The following SETD5 variants were observed in gnomAD, a reference collection of about 807,000 sequenced individuals.
SETD5 encodes SET domain containing 5.
SETD5 carries 44 observed loss-of-function variants against 153.3 expected under a neutral mutation model. The observed-to-expected ratio is 0.29, with a 90% CI of 0.23 to 0.37. The LOEUF (loss-of-function observed/expected upper bound fraction) is 0.37. SETD5 is among the 10% of genes least tolerant of loss of function. The probability of loss-of-function intolerance (pLI) is 1.00; values close to 1 mark genes in which losing one functional copy is unlikely to be tolerated. For synonymous variants in SETD5, 716 were observed against 645.2 expected (o/e 1.11, Z -1.66); for missense variants, 1,544 against 1,768.0 (o/e 0.87, Z 2.27).
intron 1 of SETD5, among the ~76,000 whole-genome samples, chr3:9,420,266 A>T (rs1359583519): frequency 1.3e-5 from 2 of 152,128 alleles, no homozygotes; most frequent in Non-Finnish European, 2.9e-5. Flanking sequence ...TCTGTTATTT[A>T]TGATATGTAG....
At chr3:9,418,276 T>C (rs1218946901) in intron 1 of SETD5, among the ~76,000 whole-genome samples, 1 of 152,206 alleles carries the variant, frequency 6.6e-6, no homozygotes, top group East Asian at 1.9e-4. Flanking sequence ...TTTATTTGCA[T>C]TTGCAGTCAG....
At chr3:9,439,853 T>G (rs1022660696) in intron 7 of SETD5, among the ~76,000 whole-genome samples, 2 of 152,246 alleles carry the variant, frequency 1.3e-5, no homozygotes, top group African/African-American at 2.4e-5. Context: ...GTTAGAAAGA[T>G]ATACTCAAAT....
intron 19 of SETD5, among the ~76,000 whole-genome samples, chr3:9,471,240 G>T (rs2045266061): frequency 6.6e-6 from 1 of 152,168 alleles, no homozygotes; most frequent in South Asian, 2.1e-4. Context: ...CTTTAAATGT[G>T]TTTTATCCTC....
Position 9,470,935 on chromosome 3 carries a change from T to C in SETD5, c.3195+6T>C, listed in dbSNP as rs775439215. On this transcript the variant is annotated splice_donor_region_variant and intron_variant, in intron 19 of 22. Transcript: ENST00000402198. ...ACCCACCACAGAGGAAAAAAGTAAG[T>C]GTTTCATGTTATATCGGCGAACTTT... 2 of 1,486,400 alleles carry C rather than the reference T, an allele frequency of 1.3e-6. No individual in the cohort carries two copies. The highest frequency in any genetic ancestry group is 9.2e-7 in the Non-Finnish European group (1 of 1,092,512). 92.1% of individuals were successfully genotyped at this position (1,486,400 alleles called of 1,614,324 possible).
At chr3:9,430,085 C>G (rs2039783778) in intron 3 of SETD5, 2 of 1,052,366 alleles carry the variant, frequency 1.9e-6, no homozygotes, top group African/African-American at 3.4e-5. Context: ...GTTTCTCTTG[C>G]CATTTTCACA....
chr3:9,472,794 C>T (rs2045455705), intron 19 of SETD5, among the ~76,000 whole-genome samples: 1 of 152,052 alleles, frequency 6.6e-6, no homozygotes, highest in Admixed American at 6.6e-5. Context: ...TCTAGGGGTT[C>T]CCAAGGAGTA....
chr3:9,452,850 A>G (rs554699867), intron 16 of SETD5, among the ~76,000 whole-genome samples: 1 of 152,128 alleles, frequency 6.6e-6, no homozygotes, highest in Admixed American at 6.5e-5. Context: ...CTTACTCAGA[A>G]ATTGATGTTT....
Position 9,470,862 on chromosome 3 carries a change from C to T in SETD5, c.3128C>T (p.Ser1043Leu), listed in dbSNP as rs1256855118. 6.2e-7 allele frequency: 1 copy of T among 1,611,334 alleles called. No homozygotes were observed. The highest frequency in any genetic ancestry group is 2.2e-5 in the East Asian group (1 of 44,820). The part of the protein sequence containing the change: ...LMKDLSRGSL[S>L]PGGERACEGV... ...AAAGACCTCTCTCGTGGATCCTTGT[C>T]ACCTGGTGGTGAAAGGGCCTGTGAA... The change falls in exon 19 of 23, where the codon TCA becomes TTA. Residue 1043 changes from serine (S) to leucine (L), a missense_variant. Physicochemically the swap from Ser to Leu is moderately radical, Grantham distance 145. This residue lies in a region of SETD5 where 782 missense variants were observed against 787.2 expected (regional missense o/e 0.99). Coordinates refer to ENST00000402198, the MANE Select transcript of SETD5 (RefSeq NM_001080517.3).
At chr3:9,414,052 GGT>G (rs1375998294) in intron 1 of SETD5, among the ~76,000 whole-genome samples, 1 of 152,176 alleles carries the variant, frequency 6.6e-6, no homozygotes, top group Non-Finnish European at 1.5e-5. Flanking sequence ...TGGAATTACA[GGT>G]GTGAGCCACG....
chr3:9,434,821 T>C lies in SETD5; in HGVS notation c.330-3T>C, dbSNP rs775547620. 3.1e-6 allele frequency: 5 copies of C among 1,612,604 alleles called. No homozygotes were observed. The highest frequency in any genetic ancestry group is 1.3e-5 in the African/African-American group (1 of 74,870). ...CTACTTTAAGTTTATTTTCCCTCTT[T>C]AGGGGAATGAGCAGGGGGAAGGTTA... is the stretch of plus-strand genomic sequence containing the variant. On this transcript the variant is annotated splice_polypyrimidine_tract_variant and splice_region_variant and intron_variant, in intron 5 of 22. Transcript: ENST00000402198. This position sits in a 1 kb window ranked among gnomAD's most constrained non-coding sequence, Gnocchi z 5.6.
chr3:9,431,319 T>G (rs1297958153), intron 3 of SETD5: 1 of 985,260 alleles, frequency 1.0e-6, no homozygotes, highest in Non-Finnish European at 1.2e-6. Flanking sequence ...GTTGATGGAG[T>G]ATATCTGTTG....
intron 1 of SETD5, among the ~76,000 whole-genome samples, chr3:9,411,421 A>G (rs1284883577): frequency 6.6e-6 from 1 of 152,204 alleles, no homozygotes; most frequent in Non-Finnish European, 1.5e-5. Context: ...TCCTAATTAC[A>G]GTATCTTAAA....
chr3:9,460,452 G>A (rs1171371950), intron 17 of SETD5, among the ~76,000 whole-genome samples: 3 of 145,330 alleles, frequency 2.1e-5, no homozygotes, highest in South Asian at 2.1e-4. Flanking sequence ...TTTTTTAATA[G>A]TATGAGCATG....
At chr3:9,431,065 A>T (rs2039906492) in intron 3 of SETD5, 1 of 985,274 alleles carries the variant, frequency 1.0e-6, no homozygotes, top group Admixed American at 6.2e-5. Flanking sequence ...GCACTTTAAG[A>T]TTAAACCTGG....
intron 1 of SETD5, among the ~76,000 whole-genome samples, chr3:9,414,683 T>C (rs1460728102): frequency 6.6e-6 from 1 of 152,166 alleles, no homozygotes; most frequent in Admixed American, 6.5e-5. Context: ...TACTGTATTC[T>C]CCTCATCAAC....
chr3:9,461,715 T>G (rs1178213713), intron 17 of SETD5, among the ~76,000 whole-genome samples: 6 of 152,238 alleles, frequency 3.9e-5, no homozygotes, highest in Non-Finnish European at 7.3e-5. Context: ...CCTTGTACAT[T>G]GATTTGCACG....
At chr3:9,431,398 A>G (rs1337220508) in intron 3 of SETD5, 1 of 983,832 alleles carries the variant, frequency 1.0e-6, no homozygotes, top group Non-Finnish European at 1.2e-6. Flanking sequence ...ACATTTGCAT[A>G]AAGTGGTTGG....
intron 21 of SETD5, 33 bp from the exon 22 acceptor site, chr3:9,475,035 A>G (rs1041204011): frequency 6.5e-7 from 1 of 1,534,538 alleles, no homozygotes; most frequent in African/African-American, 1.4e-5. Context: ...TAAGAAGCCA[A>G]GTTGATTTTT....
chr3:9,401,792 G>A (rs1052654556), intron 1 of SETD5, among the ~76,000 whole-genome samples: 2 of 152,158 alleles, frequency 1.3e-5, no homozygotes, highest in Admixed American at 6.5e-5. Flanking sequence ...AAGTCAGAAG[G>A]TCTAGCAGTG....
Sources: allele counts gnomAD v4.1 joint callset (sites outside exome capture counted in the v4.1 genomes callset), GRCh38; gene constraint gnomAD v4.1.1; regional missense constraint gnomAD v4.1.1; non-coding constraint Gnocchi (gnomAD v3.1); transcripts MANE v1.5; gene names NCBI Gene and HGNC (gene_info 2026-07-23, HGNC 2026-07-21).